SLC1A3: variants seen among roughly 807,000 people sequenced by gnomAD.
SLC1A3 encodes excitatory amino acid transporter 1.
A neutral mutation model predicts 48.1 loss-of-function variants in SLC1A3; 21 were observed. The observed-to-expected ratio is 0.44, with a 90% CI of 0.31 to 0.63. The LOEUF (loss-of-function observed/expected upper bound fraction) is 0.63. Ranked by LOEUF, SLC1A3 falls within the 20% of genes least tolerant of loss-of-function variation. SLC1A3 has a pLI of 0.08. For synonymous variants in SLC1A3, 239 were observed against 251.4 expected, an observed-to-expected ratio of 0.95 and a Z score of 0.47; for missense variants, 546 against 689.0, an observed-to-expected ratio of 0.79 and a Z score of 2.32.
intron 2 of SLC1A3, among the ~76,000 whole-genome samples, chr5:36,622,352 C>A (rs576234811): frequency 6.6e-6 from 1 of 152,332 alleles, no homozygotes; most frequent in South Asian, 2.1e-4. Flanking sequence ...GTAGTAATAA[C>A]TCTTAGAAGA....
At chr5:36,670,907 C>T (rs147134516) in intron 3 of SLC1A3, 122 bp from the exon 4 acceptor site, 9 of 880,778 alleles carry the variant, frequency 1.0e-5, no homozygotes, top group East Asian at 7.9e-5. Flanking sequence ...ACAACATGTA[C>T]GAAATCCCAT....
chr5:36,603,047 C>T (rs1442014325), upstream of SLC1A3, among the ~76,000 whole-genome samples: 1 of 152,218 alleles, frequency 6.6e-6, no homozygotes, highest in Non-Finnish European at 1.5e-5. Flanking sequence ...TAACCCAAGT[C>T]TTAGTCACTT....
At chr5:36,661,551 T>C (rs1178779767) in intron 3 of SLC1A3, among the ~76,000 whole-genome samples, 1 of 152,236 alleles carries the variant, frequency 6.6e-6, no homozygotes. Context: ...TTCAGAGTGC[T>C]AACGTTGGAA....
chr5:36,674,524 C>A (rs190026243), intron 5 of SLC1A3, among the ~76,000 whole-genome samples: 10 of 151,102 alleles, frequency 6.6e-5, no homozygotes, highest in African/African-American at 2.2e-4. Flanking sequence ...TCAAGTCTAC[C>A]AAGCACCTAA....
intron 3 of SLC1A3, among the ~76,000 whole-genome samples, chr5:36,644,596 TA>T (rs143775484): frequency 1.6e-3 from 251 of 152,364 alleles, no homozygotes; most frequent in African/African-American, 5.8e-3. Context: ...ATACCATAAT[TA>T]AAATTTTCAA....
chr5:36,639,638 A>G (rs1195048101), intron 3 of SLC1A3, among the ~76,000 whole-genome samples: 1 of 152,206 alleles, frequency 6.6e-6, no homozygotes, highest in Non-Finnish European at 1.5e-5. Context: ...ATGTTGCTAA[A>G]TTACCTCCCA....
At chr5:36,635,037 A>G (rs1579976605) in intron 3 of SLC1A3, among the ~76,000 whole-genome samples, 1 of 152,128 alleles carries the variant, frequency 6.6e-6, no homozygotes, top group African/African-American at 2.4e-5. Flanking sequence ...GAGAAATTTA[A>G]TATCTTAAAC....
At chr5:36,636,507 T>TTTTCTTTC (rs1198512163) in intron 3 of SLC1A3, 5 of 106,164 alleles carry the variant, frequency 4.7e-5, no homozygotes, top group South Asian at 3.0e-4. Context: ...TTCTTTCTTT[T>TTTTCTTTC]TCTTTCTTTC....
At chr5:36,596,867 T>C (rs1243018162) in intron 1 of SLC1A3, among the ~76,000 whole-genome samples, 1 of 152,188 alleles carries the variant, frequency 6.6e-6, no homozygotes, top group Non-Finnish European at 1.5e-5. Context: ...GGTCTTCCTC[T>C]AATGGAAGAG....
intron 1 of SLC1A3, among the ~76,000 whole-genome samples, chr5:36,607,805 TA>T (rs892481769): frequency 2.0e-5 from 3 of 152,378 alleles, no homozygotes; most frequent in African/African-American, 4.8e-5. Flanking sequence ...GATATTATTA[TA>T]TTTTTTTCTT....
intron 3 of SLC1A3, among the ~76,000 whole-genome samples, chr5:36,663,027 C>T (rs970889450): frequency 5.9e-5 from 9 of 152,182 alleles, no homozygotes; most frequent in African/African-American, 2.2e-4. Flanking sequence ...AGTTCATCCT[C>T]AAAGGACGAC....
intron 2 of SLC1A3, among the ~76,000 whole-genome samples, chr5:36,627,341 A>G (rs953883293): frequency 4.6e-5 from 7 of 152,164 alleles, no homozygotes; most frequent in African/African-American, 1.7e-4. Context: ...TCTTTTTATG[A>G]TAATACTCTG....
At chr5:36,666,509 G>A (rs1362976635) in intron 3 of SLC1A3, 1 of 152,174 alleles carries the variant, frequency 6.6e-6, no homozygotes, top group Non-Finnish European at 1.5e-5. Context: ...AAACATCATG[G>A]GGATAAGTGG....
In SLC1A3 at chr5:36,636,505, T is replaced by TTCTTTCTTTCTTTCTTTCTC. The variant is rs1177117898; in HGVS notation, c.319+6919_319+6920insCTTTCTTTCTTTCTTTCTCT. 1.9e-3 allele frequency: 135 copies of TTCTTTCTTTCTTTCTTTCTC among 70,196 alleles called. 1 individual carries two copies. The highest frequency in any genetic ancestry group is 0.014 in the East Asian group (39 of 2,728). The allele number at this position is 70,196 out of a possible 1,614,324, so 4.3% of individuals were successfully genotyped here. A position where few individuals can be genotyped will look rare whatever the true frequency, so the allele number is the denominator to read the frequency against. ...TTTCTTTCTTTCTTTCTTTCTTTCT[T>TTCTTTCTTTCTTTCTTTCTC]TTTCTTTCTTTCTTTCTCTCTCTTT... On this transcript the variant is annotated intron_variant, in intron 3 of 9. Transcript: ENST00000265113.
chr5:36,658,875 C>CCACTATGT (rs1741390934), intron 3 of SLC1A3, among the ~76,000 whole-genome samples: 1 of 152,122 alleles, frequency 6.6e-6, no homozygotes, highest in Non-Finnish European at 1.5e-5. Flanking sequence ...CTGAATAAAG[C>CCACTATGT]CACTATGTTA....
intron 3 of SLC1A3, among the ~76,000 whole-genome samples, chr5:36,656,474 A>G (rs72732546): frequency 2.6e-5 from 4 of 152,086 alleles, no homozygotes; most frequent in South Asian, 2.1e-4. Context: ...AATATTTTTC[A>G]TAATTTTTCT....
At chr5:36,676,465 T>C (rs2301065) in intron 5 of SLC1A3, among the ~76,000 whole-genome samples, 76,777 of 152,058 alleles carry the variant, frequency 0.5, 19,816 homozygotes, top group Middle Eastern at 0.62. Flanking sequence ...TACCATAGCA[T>C]GATCCCCACA....
At chr5:36,683,745 C>T (rs1742532409) in intron 8 of SLC1A3, 119 bp from the exon 9 acceptor site, 23 of 1,068,144 alleles carry the variant, frequency 2.2e-5, no homozygotes, top group African/African-American at 3.1e-5. Context: ...TTTTCTGAAG[C>T]GCGTCCTCTT....
chr5:36,681,671 G>A (rs1015796221), intron 8 of SLC1A3, among the ~76,000 whole-genome samples: 1 of 152,094 alleles, frequency 6.6e-6, no homozygotes, highest in Non-Finnish European at 1.5e-5. Flanking sequence ...CCAGAGATAC[G>A]CCAGGCATAC....
Sources: gnomAD v4.1 joint callset for allele counts (sites outside exome capture counted in the v4.1 genomes callset) on GRCh38, gnomAD v4.1.1 for gene constraint, MANE v1.5 for transcripts, NCBI Gene and HGNC (gene_info 2026-07-23, HGNC 2026-07-21) for gene names.